LYRM4: variants seen among roughly 807,000 people sequenced by gnomAD.
LYRM4 encodes LYR motif containing 4.
In LYRM4, 9 loss-of-function variants were observed where a neutral mutation model predicts 11.7. That is an observed-to-expected ratio of 0.77 (90% CI 0.46 to 1.34). LYRM4 has a LOEUF of 1.34. Ranked by LOEUF, LYRM4 falls within the 40% of genes most tolerant of loss-of-function variation. The probability of loss-of-function intolerance (pLI) is 0.00; values close to 1 mark genes in which losing one functional copy is unlikely to be tolerated. For missense variants in LYRM4, 133 were observed against 112.5 expected (o/e 1.18, Z -0.82); for synonymous variants, 42 against 40.4 (o/e 1.04, Z -0.15).
intron 2 of LYRM4, chr6:5,186,956 C>T (rs1482385427): frequency 8.3e-6 from 5 of 602,468 alleles, no homozygotes; most frequent in African/African-American, 2.0e-5. Flanking sequence ...TGCACTCCAG[C>T]CTGGGCGACA....
the LYRM4 span, chr6:5,086,049 G>C: frequency 6.7e-7 from 1 of 1,481,912 alleles, no homozygotes; most frequent in South Asian, 1.3e-5. Context: ...CAGTGGCCGC[G>C]CCCCTTTCAG....
chr6:5,054,257 T>G, the LYRM4 span: 3 of 215,316 alleles, frequency 1.4e-5, no homozygotes, highest in Non-Finnish European at 2.4e-5. Flanking sequence ...CATATGTTCC[T>G]GATTAATTGT....
At chr6:5,257,977 T>C (rs1212134010) in intron 1 of LYRM4, among the ~76,000 whole-genome samples, 3 of 152,056 alleles carry the variant, frequency 2.0e-5, no homozygotes, top group Non-Finnish European at 4.4e-5. Context: ...TGAAGAGAGT[T>C]GGGAAAACTT....
the LYRM4 span, chr6:5,085,778 T>C: frequency 4.6e-6 from 7 of 1,533,632 alleles, no homozygotes; most frequent in Non-Finnish European, 6.1e-6. Flanking sequence ...GCGGCCAAGT[T>C]CCTGCAGCAG....
intron 2 of LYRM4, among the ~76,000 whole-genome samples, chr6:5,194,109 G>T (rs1760917564): frequency 6.7e-6 from 1 of 150,050 alleles, no homozygotes; most frequent in African/African-American, 2.4e-5. Flanking sequence ...GAGAAAGAGA[G>T]AGACAGAGGA....
downstream of LYRM4, chr6:5,106,106 G>T (rs908354934): frequency 2.0e-5 from 3 of 152,232 alleles, no homozygotes; most frequent in Non-Finnish European, 4.4e-5. Context: ...GCCCTTCCCT[G>T]GCCCGTCCCA....
intron 2 of LYRM4, among the ~76,000 whole-genome samples, chr6:5,112,860 G>A (rs567380451): frequency 1.1e-4 from 16 of 152,324 alleles, no homozygotes; most frequent in South Asian, 4.1e-4. Flanking sequence ...ACGATTGGAC[G>A]TGGAGACTGC....
rs115627186 is a variant in LYRM4, at chr6:5,147,858, G to A, written c.208-38367C>T. Among the ~76,000 whole-genome samples, 424 of 152,218 alleles carry A rather than the reference G, an allele frequency of 2.8e-3. 3 individuals are homozygous for A. Among genetic ancestry groups the A allele is most frequent in the African/African-American group, 8.4e-3 (347 of 41,532 alleles). ...GAAGTAACAGTATGGTACTTATTAA[G>A]CCAAATTTTCCTGGAAGCTCCAGGT... On this transcript the variant is annotated intron_variant, in intron 2 of 2. Transcript: ENST00000330636.
intron 1 of LYRM4, among the ~76,000 whole-genome samples, chr6:5,242,103 C>T (rs1763916143): frequency 2.0e-5 from 3 of 148,348 alleles, no homozygotes; most frequent in Non-Finnish European, 4.4e-5. Flanking sequence ...GATAGAGTCT[C>T]ACTCTGCCAC....
Position 5,109,349 on chromosome 6 carries a change from G to C in LYRM4, c.*74C>G, listed in dbSNP as rs889970361. The C allele has an allele frequency of 2.5e-6, 4 of 1,602,810 alleles. No homozygotes were observed. In the African/African-American group the frequency reaches 5.4e-5, roughly 21 times the overall value. On this transcript the variant is annotated 3_prime_UTR_variant, in exon 3 of 3. Coordinates refer to ENST00000330636, the MANE Select transcript of LYRM4 (RefSeq NM_020408.6). ...AAAGGCTATTGTAAGCTGGTTTTGG[G>C]AGCCCCCATCTCAAACAGAGAGTGG...
At chr6:5,235,994 G>T (rs1470933838) in intron 1 of LYRM4, among the ~76,000 whole-genome samples, 1 of 152,060 alleles carries the variant, frequency 6.6e-6, no homozygotes. Flanking sequence ...TATCTGAGAG[G>T]GAACTCTATG....
At chr6:5,258,674 T>C (rs1385090879) in intron 1 of LYRM4, among the ~76,000 whole-genome samples, 1 of 152,240 alleles carries the variant, frequency 6.6e-6, no homozygotes. Context: ...TTTAGGTCTA[T>C]GATCTCAGGT....
chr6:5,230,781 T>C (rs1239631730), intron 1 of LYRM4, among the ~76,000 whole-genome samples: 1 of 152,086 alleles, frequency 6.6e-6, no homozygotes, highest in Non-Finnish European at 1.5e-5. Flanking sequence ...TTCCAACAGC[T>C]ATTAGTCACT....
At chr6:5,203,865 T>G (rs1761538206) in intron 2 of LYRM4, among the ~76,000 whole-genome samples, 1 of 152,130 alleles carries the variant, frequency 6.6e-6, no homozygotes, top group Non-Finnish European at 1.5e-5. Flanking sequence ...GAAACCAAAG[T>G]GGGAACGTCT....
intron 1 of LYRM4, among the ~76,000 whole-genome samples, chr6:5,230,672 C>A (rs1391111565): frequency 6.6e-6 from 1 of 152,136 alleles, no homozygotes; most frequent in Non-Finnish European, 1.5e-5. Flanking sequence ...AAATAAAGCA[C>A]AAACGATGAA....
chr6:5,225,788 A>G (rs900131258), intron 1 of LYRM4, among the ~76,000 whole-genome samples: 1 of 152,262 alleles, frequency 6.6e-6, no homozygotes, highest in Admixed American at 6.5e-5. Context: ...AAAATTATAC[A>G]TTATAAGGCT....
chr6:5,127,875 GTTACA>G (rs1763769249), intron 2 of LYRM4, among the ~76,000 whole-genome samples: 1 of 151,998 alleles, frequency 6.6e-6, no homozygotes, highest in South Asian at 2.1e-4. Context: ...AAACAACATT[GTTACA>G]TTACAATTTA....
At chr6:5,086,257 C>A in the LYRM4 span, 2 of 1,535,578 alleles carry the variant, frequency 1.3e-6, no homozygotes, top group African/African-American at 2.7e-5. Context: ...TACCGAGTGG[C>A]GCTCCTTCCT....
chr6:5,113,513 G>T lies in LYRM4; in HGVS notation c.208-4022C>A, dbSNP rs150737153. The T allele has an allele frequency of 3.0e-5, 9 of 295,244 alleles. No individual in the cohort carries two copies. The East Asian group carries it at 4.0e-4, about 13-fold the overall frequency. The allele number at this position is 295,244 out of a possible 1,614,324, so 18.3% of individuals were successfully genotyped here. Reference sequence around the variant, plus strand: ...GCAGCCAGAGGAATACGTGGGTGCTGCCCTGAAGGGGGACCCACCCTTGCA... The same window carrying T: ...GCAGCCAGAGGAATACGTGGGTGCTTCCCTGAAGGGGGACCCACCCTTGCA... On this transcript the variant is annotated intron_variant, in intron 2 of 2. Coordinates refer to ENST00000330636, the MANE Select transcript of LYRM4 (RefSeq NM_020408.6).
Sources: allele counts gnomAD v4.1 joint callset (sites outside exome capture counted in the v4.1 genomes callset), GRCh38; gene constraint gnomAD v4.1.1; transcripts MANE v1.5; gene names NCBI Gene and HGNC (gene_info 2026-07-23, HGNC 2026-07-21).